Variants in MYO16 observed in about 807,000 individuals in gnomAD.
MYO16 encodes the protein unconventional myosin-XVI.
A neutral mutation model predicts 205.3 loss-of-function variants in MYO16; 94 were observed. The observed-to-expected ratio is 0.46, with a 90% CI of 0.39 to 0.54. MYO16 has a LOEUF of 0.54. Ranked by LOEUF, MYO16 falls within the 20% of genes least tolerant of loss-of-function variation. The probability of loss-of-function intolerance (pLI) is 0.00; values close to 1 mark genes in which losing one functional copy is unlikely to be tolerated. For synonymous variants in MYO16, 988 were observed against 954.0 expected (o/e 1.04, Z -0.66); for missense variants, 2,315 against 2,387.5 (o/e 0.97, Z 0.63).
At chr13:108,574,330 A>G in the MYO16 span, among the ~76,000 whole-genome samples, 1 of 152,230 alleles carries the variant, frequency 6.6e-6, no homozygotes, top group African/African-American at 2.4e-5. Flanking sequence ...AGGAAATGGG[A>G]TGAAGATCTA....
At chr13:109,080,282 C>T (rs1426190883) in intron 27 of MYO16, among the ~76,000 whole-genome samples, 2 of 152,058 alleles carry the variant, frequency 1.3e-5, no homozygotes, top group Non-Finnish European at 2.9e-5. Flanking sequence ...ACCACCTTTT[C>T]CTAAACAGAC....
intron 12 of MYO16, among the ~76,000 whole-genome samples, chr13:108,873,121 T>A (rs189641473): frequency 7.6e-4 from 116 of 152,300 alleles, no homozygotes; most frequent in Non-Finnish European, 1.4e-3. Flanking sequence ...AAAAATTTAT[T>A]TCTTTTTGTT....
At chr13:108,755,392 G>T (rs7983376) in intron 4 of MYO16, among the ~76,000 whole-genome samples, 5,274 of 151,968 alleles carry the variant, frequency 0.035, 309 homozygotes, top group African/African-American at 0.12. Context: ...CTACTAAAAG[G>T]TTTCATTTTT....
At chr13:108,984,051 G>T (rs921871927) in intron 20 of MYO16, among the ~76,000 whole-genome samples, 1 of 152,074 alleles carries the variant, frequency 6.6e-6, no homozygotes, top group Non-Finnish European at 1.5e-5. Flanking sequence ...CACCCTTAAG[G>T]CTCAGCCAGC....
chr13:108,639,583 C>T (rs1221549389), intron 1 of MYO16, among the ~76,000 whole-genome samples: 3 of 152,154 alleles, frequency 2.0e-5, no homozygotes, highest in South Asian at 2.1e-4. Flanking sequence ...AGCCATAGGT[C>T]AGGTTTAGAA....
intron 23 of MYO16, among the ~76,000 whole-genome samples, chr13:109,039,030 C>G (rs1886802062): frequency 6.6e-6 from 1 of 152,152 alleles, no homozygotes; most frequent in South Asian, 2.1e-4. Context: ...GTGTTTCAGC[C>G]CATTCCACTG....
At chr13:108,557,481 A>G in the MYO16 span, among the ~76,000 whole-genome samples, 1 of 152,218 alleles carries the variant, frequency 6.6e-6, no homozygotes, top group Non-Finnish European at 1.5e-5. Flanking sequence ...TATAACATAT[A>G]ACTGAAACAA....
chr13:108,522,226 A>T, the MYO16 span, among the ~76,000 whole-genome samples: 1 of 152,240 alleles, frequency 6.6e-6, no homozygotes, highest in Non-Finnish European at 1.5e-5. Context: ...TTCCCTGTTC[A>T]GAAAGCAATG....
At chr13:108,993,206 G>A (rs111897124) in intron 21 of MYO16, among the ~76,000 whole-genome samples, 1 of 152,062 alleles carries the variant, frequency 6.6e-6, no homozygotes, top group South Asian at 2.1e-4. Flanking sequence ...TTCTTAAGGT[G>A]GTGTGGTAGG....
intron 27 of MYO16, among the ~76,000 whole-genome samples, chr13:109,069,074 A>G (rs747400387): frequency 6.6e-6 from 1 of 152,204 alleles, no homozygotes; most frequent in African/African-American, 2.4e-5. Context: ...AGAATAAATG[A>G]AAGTGTTAAA....
intron 2 of MYO16, among the ~76,000 whole-genome samples, chr13:108,700,533 T>A (rs7319141): frequency 0.72 from 109,471 of 151,846 alleles, 39,500 homozygotes; most frequent in East Asian, 0.86. Context: ...TCGGAGCCAC[T>A]GGTGGCTGCA....
chr13:108,564,761 A>G, the MYO16 span, among the ~76,000 whole-genome samples: 4 of 151,976 alleles, frequency 2.6e-5, no homozygotes, highest in Non-Finnish European at 5.9e-5. Flanking sequence ...CCAGTGTTTT[A>G]TTTTGGTAGT....
At chr13:108,653,962 C>G (rs576900033) in intron 1 of MYO16, among the ~76,000 whole-genome samples, 8 of 152,102 alleles carry the variant, frequency 5.3e-5, no homozygotes, top group Admixed American at 1.3e-4. Context: ...ACTATGTAGT[C>G]TTTGGCAGAG....
intron 27 of MYO16, among the ~76,000 whole-genome samples, chr13:109,061,425 G>A (rs909403586): frequency 6.6e-6 from 1 of 152,106 alleles, no homozygotes. Flanking sequence ...AAAAGTGAGA[G>A]ATGTGCATCT....
In MYO16 at chr13:109,190,703, A is replaced by G. The variant is rs1295513278; in HGVS notation, c.5415+11070A>G. Among the ~76,000 whole-genome samples the G allele has an allele frequency of 2.0e-5, 3 of 152,324 alleles. No homozygotes were observed. The East Asian group carries it at 5.8e-4, about 29-fold the overall frequency. On this transcript the variant is annotated intron_variant, in intron 34 of 34. Coordinates refer to ENST00000457511, the MANE Select transcript of MYO16 (RefSeq NM_001198950.3). The stretch of plus-strand genomic sequence containing the variant: ...GGTTGGAGGAAATTAAAGTGAAGTC[A>G]CATTTTATTCAGTGATTGGCTTCTA...
chr13:109,099,585 G>A (rs4771626), intron 27 of MYO16, among the ~76,000 whole-genome samples: 2 of 151,954 alleles, frequency 1.3e-5, no homozygotes, highest in African/African-American at 4.8e-5. Context: ...CATATTGGGG[G>A]TTAGGATTTG....
intron 2 of MYO16, among the ~76,000 whole-genome samples, chr13:108,708,147 C>T (rs1286036267): frequency 6.6e-6 from 1 of 152,166 alleles, no homozygotes; most frequent in Non-Finnish European, 1.5e-5. Context: ...CTTATACATC[C>T]TAAAGTTTGA....
At chr13:108,811,393 A>C (rs1003026363) in intron 7 of MYO16, among the ~76,000 whole-genome samples, 4 of 151,964 alleles carry the variant, frequency 2.6e-5, no homozygotes, top group African/African-American at 9.7e-5. Flanking sequence ...GATGTTTGCC[A>C]TGTCTTTGAG....
chr13:108,637,817 G>A (rs1880327228), intron 1 of MYO16, among the ~76,000 whole-genome samples: 1 of 152,100 alleles, frequency 6.6e-6, no homozygotes, highest in Non-Finnish European at 1.5e-5. Context: ...AAATGTGGCA[G>A]TGAGCTGAGA....
Sources: gnomAD v4.1 joint callset for allele counts (sites outside exome capture counted in the v4.1 genomes callset) on GRCh38, gnomAD v4.1.1 for gene constraint, MANE v1.5 for transcripts, NCBI Gene and HGNC (gene_info 2026-07-23, HGNC 2026-07-21) for gene names.